Variants in LIFR observed in about 807,000 individuals in gnomAD.
LIFR encodes leukemia inhibitory factor receptor.
LIFR carries 84 observed loss-of-function variants against 122.2 expected under a neutral mutation model. The observed-to-expected ratio is 0.69, with a 90% CI of 0.58 to 0.82. LIFR has a LOEUF of 0.82. LIFR is among the 40% of genes least tolerant of loss of function. The pLI, the probability that LIFR is intolerant of heterozygous loss-of-function variation, is 0.00. For missense variants in LIFR, 1,294 were observed against 1,311.6 expected, an observed-to-expected ratio of 0.99 and a Z score of 0.21; for synonymous variants, 422 against 434.7, an observed-to-expected ratio of 0.97 and a Z score of 0.36.
chr5:38,484,954 G>C, intron 17 of LIFR, 86 bp from the exon 18 acceptor site: 1 of 941,270 alleles, frequency 1.1e-6, no homozygotes. Context: ...ATTTAGGTTG[G>C]TAAATTATTT....
At chr5:38,502,507 C>T (rs1163938395) in intron 11 of LIFR, 130 bp downstream of exon 11, 2 of 731,404 alleles carry the variant, frequency 2.7e-6, no homozygotes, top group East Asian at 5.6e-5. Context: ...AATCTGCCCA[C>T]CTCGGCCTCC....
At chr5:38,487,995 T>G (rs1744381844) in intron 16 of LIFR, among the ~76,000 whole-genome samples, 1 of 152,256 alleles carries the variant, frequency 6.6e-6, no homozygotes, top group Admixed American at 6.5e-5. Flanking sequence ...AGTGTTGTTT[T>G]GCCTCTTCTG....
In LIFR at chr5:38,481,040, C is replaced by T. The variant is rs549697077; in HGVS notation, c.*555G>A. The stretch of plus-strand genomic sequence containing the variant: ...TACTTTATCAAACAAAACACTAAAT[C>T]GCTGTCACTACATTAAAAATTATAT... On this transcript the variant is annotated 3_prime_UTR_variant, in exon 20 of 20. Transcript: ENST00000453190. 4.5e-4 allele frequency: 102 copies of T among 228,424 alleles called. No individual in the cohort carries two copies. Among genetic ancestry groups the T allele is most frequent in the African/African-American group, 2.1e-3 (96 of 44,728 alleles). The allele number at this position is 228,424 out of a possible 1,614,324, so 14.1% of individuals were successfully genotyped here.
chr5:38,511,428 G>T (rs2112496825), intron 6 of LIFR, among the ~76,000 whole-genome samples: 1 of 151,582 alleles, frequency 6.6e-6, no homozygotes, highest in South Asian at 2.1e-4. Flanking sequence ...TAACTATGCA[G>T]CCTCTAGGGG....
intron 5 of LIFR, 42 bp from the exon 6 acceptor site, chr5:38,512,006 AAT>A: frequency 1.3e-6 from 2 of 1,595,842 alleles, no homozygotes; most frequent in Non-Finnish European, 1.7e-6. Context: ...TCCAAGTAGC[AAT>A]ATGTTTTGCT....
Position 38,564,735 on chromosome 5 carries a change from T to TACACACAC in LIFR, c.-20+30518_-20+30525dup, listed in dbSNP as rs3047301. ...ACACAATATATATATACACACACAC[T>TACACACAC]ACACACACACACACACACACACACA... On this transcript the variant is annotated intron_variant, in intron 1 of 19. Coordinates refer to the LIFR transcript ENST00000263409. 5.2e-3 allele frequency among the ~76,000 whole-genome samples: 719 copies of TACACACAC among 137,486 alleles called. 7 individuals carry two copies. The highest frequency in any genetic ancestry group is 0.019 in the East Asian group (91 of 4,780). The allele number at this position is 137,486 out of a possible 152,430, so 90.2% of individuals were successfully genotyped here. A position where few individuals can be genotyped will look rare whatever the true frequency, so the allele number is the denominator to read the frequency against.
intron 1 of LIFR, among the ~76,000 whole-genome samples, chr5:38,552,145 AT>A (rs1219469390): frequency 6.6e-6 from 1 of 152,224 alleles, no homozygotes; most frequent in Admixed American, 6.5e-5. Context: ...TGGAAATAAA[AT>A]TGTCTTAAGT....
chr5:38,485,300 C>G (rs1005028893), intron 17 of LIFR, among the ~76,000 whole-genome samples: 2 of 152,168 alleles, frequency 1.3e-5, no homozygotes, highest in African/African-American at 4.8e-5. Context: ...TTTATAGAAC[C>G]ATATCCTCAT....
At chr5:38,518,972 GA>G (rs1027881707) in intron 5 of LIFR, among the ~76,000 whole-genome samples, 1 of 152,084 alleles carries the variant, frequency 6.6e-6, no homozygotes, top group Admixed American at 6.6e-5. Context: ...CAAAGTTAAA[GA>G]AAAATAATTT....
chr5:38,530,662 C>G lies in LIFR; in HGVS notation c.-15G>C. Reference sequence around the variant, plus strand: ...ATATCCATCATCTGTGCAATGCAGTCAGTCCTAGGTTAGGAGAGGAATTCC... The same window carrying G: ...ATATCCATCATCTGTGCAATGCAGTGAGTCCTAGGTTAGGAGAGGAATTCC... On this transcript the variant is annotated 5_prime_UTR_variant, in exon 2 of 20. Coordinates refer to ENST00000453190, the MANE Select transcript of LIFR (RefSeq NM_001127671.2). 1 of 1,613,550 alleles carries G rather than the reference C, an allele frequency of 6.2e-7. No individual in the cohort carries two copies. Among genetic ancestry groups the G allele is most frequent in the South Asian group, 1.1e-5 (1 of 91,014 alleles).
intron 18 of LIFR, among the ~76,000 whole-genome samples, chr5:38,484,400 G>A: frequency 6.6e-6 from 1 of 152,180 alleles, no homozygotes; most frequent in Non-Finnish European, 1.5e-5. Context: ...GAATAAATGA[G>A]CAAATGATTA....
chr5:38,552,147 T>A (rs745849982), intron 1 of LIFR, among the ~76,000 whole-genome samples: 1 of 152,194 alleles, frequency 6.6e-6, no homozygotes, highest in Non-Finnish European at 1.5e-5. Context: ...GAAATAAAAT[T>A]GTCTTAAGTA....
At chr5:38,556,177 G>C (rs1012760258) in intron 1 of LIFR, among the ~76,000 whole-genome samples, 157 bp downstream of exon 1, 3 of 151,878 alleles carry the variant, frequency 2.0e-5, no homozygotes, top group Admixed American at 6.5e-5. Context: ...GCGGAGAGCG[G>C]CGGGACCCGG....
At chr5:38,515,669 A>C (rs1746038869) in intron 5 of LIFR, among the ~76,000 whole-genome samples, 2 of 152,120 alleles carry the variant, frequency 1.3e-5, no homozygotes, top group African/African-American at 4.8e-5. Context: ...GGTTGCTATC[A>C]AGAAATAGCA....
intron 12 of LIFR, among the ~76,000 whole-genome samples, chr5:38,497,552 T>C (rs889547235): frequency 7.2e-5 from 11 of 152,242 alleles, no homozygotes; most frequent in African/African-American, 2.7e-4. Flanking sequence ...TGGGTTTTTT[T>C]CTAAACATTT....
Position 38,506,649 on chromosome 5 carries a change from G to T in LIFR, c.992-17C>A, listed in dbSNP as rs373388616. ...CTGGTGGATCTAACAGAAAAAAAAT[G>T]CAGGTACTTATGATTACATATATTT... is the stretch of plus-strand genomic sequence containing the variant. On this transcript the variant is annotated splice_polypyrimidine_tract_variant and intron_variant, in intron 7 of 19. Transcript: ENST00000453190. 55 of 1,603,014 alleles carry T rather than the reference G, an allele frequency of 3.4e-5. No homozygotes were observed. The highest frequency in any genetic ancestry group is 1.7e-4 in the Middle Eastern group (1 of 6,034).
At chr5:38,559,435 A>C (rs1303731414), upstream of LIFR, among the ~76,000 whole-genome samples, 1 of 152,192 alleles carries the variant, frequency 6.6e-6, no homozygotes, top group Non-Finnish European at 1.5e-5. Context: ...ATTAATCCAT[A>C]TGGACTCCTG....
intron 4 of LIFR, among the ~76,000 whole-genome samples, chr5:38,525,994 A>C (rs937552876): frequency 2.0e-5 from 3 of 152,348 alleles, no homozygotes; most frequent in Non-Finnish European, 2.9e-5. Context: ...CAACATTTCA[A>C]GCTAAAGACA....
intron 14 of LIFR, among the ~76,000 whole-genome samples, chr5:38,492,987 G>A (rs1020809718): frequency 6.6e-6 from 1 of 152,216 alleles, no homozygotes; most frequent in Non-Finnish European, 1.5e-5. Flanking sequence ...ATCCCATAGA[G>A]GGACACTCAC....
Sources: gnomAD v4.1 joint callset for allele counts (sites outside exome capture counted in the v4.1 genomes callset) on GRCh38, gnomAD v4.1.1 for gene constraint, MANE v1.5 for transcripts, NCBI Gene and HGNC (gene_info 2026-07-23, HGNC 2026-07-21) for gene names.